Variants in RALYL observed in about 807,000 individuals in gnomAD.
The protein encoded by RALYL is RNA-binding Raly-like protein.
In RALYL, 29 loss-of-function variants were observed where a neutral mutation model predicts 35.1. The ratio of observed to expected loss-of-function variants is 0.83; its 90% CI spans 0.61 to 1.13. The LOEUF (loss-of-function observed/expected upper bound fraction) is 1.13. Ranked by LOEUF, RALYL falls within the 50% of genes most tolerant of loss-of-function variation. The probability of loss-of-function intolerance (pLI) is 0.00; values close to 1 mark genes in which losing one functional copy is unlikely to be tolerated. For missense variants in RALYL, 359 were observed against 360.4 expected, an observed-to-expected ratio of 1.00 and a Z score of 0.03; for synonymous variants, 120 against 127.6, an observed-to-expected ratio of 0.94 and a Z score of 0.40.
chr8:84,627,817 C>T lies in RALYL; in HGVS notation c.256+98240C>T, dbSNP rs575182277. Among the ~76,000 whole-genome samples the T allele has an allele frequency of 3.3e-5, 5 of 152,064 alleles. No homozygotes were observed. The South Asian group carries it at 1.0e-3, about 32-fold the overall frequency. ...GAGAAATCTCACACCCGTCTGTTTC[C>T]TCTCTCTTCTTTAATGCCCATATTT... is the stretch of plus-strand genomic sequence containing the variant. On this transcript the variant is annotated intron_variant, in intron 2 of 8. Coordinates refer to ENST00000521268, the MANE Select transcript of RALYL (RefSeq NM_173848.7).
chr8:84,602,371 C>A (rs28706912), intron 2 of RALYL, among the ~76,000 whole-genome samples: 1,572 of 152,078 alleles, frequency 0.01, 22 homozygotes, highest in African/African-American at 0.036. Context: ...TTGTAATAAC[C>A]CTTGACTCTA....
chr8:84,266,823 G>A lies in RALYL; in HGVS notation c.-24+82399G>A, dbSNP rs553687303. ...AAAATACAAAAAATTAGCCGGGCGT[G>A]GTAGCGGGCGCCTGTAGTCCCAGCT... On this transcript the variant is annotated intron_variant, in intron 1 of 8. Coordinates refer to ENST00000521268, the MANE Select transcript of RALYL (RefSeq NM_173848.7). Among the ~76,000 whole-genome samples the A allele has an allele frequency of 1.6e-4, 24 of 151,992 alleles. No homozygotes were observed. In the East Asian group the frequency reaches 3.5e-3, roughly 22 times the overall value.
At chr8:84,387,837 T>C (rs1415663472) in intron 1 of RALYL, among the ~76,000 whole-genome samples, 1 of 151,052 alleles carries the variant, frequency 6.6e-6, no homozygotes, top group Admixed American at 6.6e-5. Flanking sequence ...GATAGCTACA[T>C]TTTATTTTTA....
chr8:84,838,315 T>C (rs1458736927), intron 4 of RALYL, among the ~76,000 whole-genome samples: 1 of 152,018 alleles, frequency 6.6e-6, no homozygotes, highest in Non-Finnish European at 1.5e-5. Context: ...GAGAAAAGGA[T>C]CCCCTCCCCC....
At chr8:84,303,170 T>C (rs562378797) in intron 1 of RALYL, among the ~76,000 whole-genome samples, 1 of 152,340 alleles carries the variant, frequency 6.6e-6, no homozygotes, top group Non-Finnish European at 1.5e-5. Flanking sequence ...TTAGTGTTTA[T>C]GTCTTTGTAA....
chr8:84,484,485 G>T (rs1228289578), intron 1 of RALYL, among the ~76,000 whole-genome samples: 1 of 152,036 alleles, frequency 6.6e-6, no homozygotes, highest in Non-Finnish European at 1.5e-5. Flanking sequence ...GCGGAAGAAA[G>T]AACGTAAGCA....
intron 1 of RALYL, among the ~76,000 whole-genome samples, chr8:84,504,283 C>A (rs1427923916): frequency 6.6e-6 from 1 of 151,960 alleles, no homozygotes; most frequent in Non-Finnish European, 1.5e-5. Context: ...TTCATTTCAC[C>A]AATCAGATTG....
intron 1 of RALYL, among the ~76,000 whole-genome samples, chr8:84,247,798 A>G (rs537281238): frequency 4.3e-4 from 65 of 152,300 alleles, no homozygotes; most frequent in African/African-American, 1.5e-3. Flanking sequence ...TTAAGCAGTG[A>G]TAACACTAAA....
chr8:84,735,850 A>AGAGAGAGAGAGAGAGAG (rs1847215695), intron 2 of RALYL, among the ~76,000 whole-genome samples: 2 of 114,846 alleles, frequency 1.7e-5, no homozygotes, highest in African/African-American at 6.8e-5. Flanking sequence ...GAGAGAGAGA[A>AGAGAGAGAGAGAGAGAG]CGAGAACACA....
At chr8:84,277,169 G>T (rs755886727) in intron 1 of RALYL, among the ~76,000 whole-genome samples, 1 of 152,146 alleles carries the variant, frequency 6.6e-6, no homozygotes, top group African/African-American at 2.4e-5. Context: ...AAAGAAAGAG[G>T]TTTAATGGTC....
At chr8:84,608,358 G>A (rs1019996773) in intron 2 of RALYL, among the ~76,000 whole-genome samples, 2 of 152,114 alleles carry the variant, frequency 1.3e-5, no homozygotes, top group African/African-American at 4.8e-5. Context: ...GATGGGAATG[G>A]GAAGAAAGGG....
chr8:84,416,134 A>G (rs779778406), intron 1 of RALYL, among the ~76,000 whole-genome samples: 2 of 152,186 alleles, frequency 1.3e-5, no homozygotes, highest in Non-Finnish European at 2.9e-5. Context: ...TCATTTATCC[A>G]CTGGTTTTAT....
chr8:84,786,345 G>A (rs939924245), intron 3 of RALYL, among the ~76,000 whole-genome samples: 1 of 152,138 alleles, frequency 6.6e-6, no homozygotes, highest in Non-Finnish European at 1.5e-5. Context: ...TATATACCTA[G>A]TAATGGGGTT....
chr8:84,310,640 AAATG>A (rs1433621976), intron 1 of RALYL, among the ~76,000 whole-genome samples: 6 of 152,226 alleles, frequency 3.9e-5, no homozygotes, highest in Non-Finnish European at 7.4e-5. Flanking sequence ...ATATAAAAAT[AAATG>A]TGAAATATGA....
At chr8:84,359,239 CTT>C (rs5892912) in intron 1 of RALYL, among the ~76,000 whole-genome samples, 55 of 147,030 alleles carry the variant, frequency 3.7e-4, no homozygotes, top group South Asian at 4.3e-4. Context: ...ATTTTGAGAG[CTT>C]TTTTTTTTTT....
At chr8:84,915,096 T>A (rs775580198) in intron 8 of RALYL, among the ~76,000 whole-genome samples, 1 of 151,986 alleles carries the variant, frequency 6.6e-6, no homozygotes, top group African/African-American at 2.4e-5. Flanking sequence ...AGAAACCAAA[T>A]GAAAATATAC....
rs2059121224 is a variant in RALYL at position 84,529,368 on chromosome 8, C to T, written c.47C>T (p.Pro16Leu). 2 of 1,602,412 alleles carry T rather than the reference C, an allele frequency of 1.2e-6. No homozygotes were observed. Among genetic ancestry groups the T allele is most frequent in the Non-Finnish European group, 1.7e-6 (2 of 1,173,650 alleles). The change falls in exon 2 of 9, where the codon CCC becomes CTC. Residue 16 changes from proline (P) to leucine (L), a missense_variant. Transcript: ENST00000521268. ...QTSNVTNKND[P>L]KSINSRVFIG... ...AGCAACGTCACCAATAAGAATGACC[C>T]CAAGTCCATCAACTCCCGTGTTTTC...
chr8:84,821,892 T>C (rs543570565), intron 4 of RALYL, among the ~76,000 whole-genome samples: 1 of 152,268 alleles, frequency 6.6e-6, no homozygotes, highest in South Asian at 2.1e-4. Flanking sequence ...AAGTCAATCC[T>C]CAAATGTTTC....
chr8:84,289,733 G>A (rs1330714088), intron 1 of RALYL, among the ~76,000 whole-genome samples: 4 of 152,046 alleles, frequency 2.6e-5, no homozygotes, highest in African/African-American at 9.7e-5. Context: ...TTGTTCTTTT[G>A]TAATTCTTTT....
Sources: gnomAD v4.1 joint callset for allele counts (sites outside exome capture counted in the v4.1 genomes callset) on GRCh38, gnomAD v4.1.1 for gene constraint, MANE v1.5 for transcripts, NCBI Gene and HGNC (gene_info 2026-07-23, HGNC 2026-07-21) for gene names.